The following PRRX1 variants were observed in gnomAD, a reference collection of about 807,000 sequenced individuals.
PRRX1 encodes the protein paired related homeobox 1, also known as paired mesoderm homeobox protein 1.
In PRRX1, 8 loss-of-function variants were observed where a neutral mutation model predicts 24.0. The observed-to-expected ratio is 0.33, with a 90% confidence interval of 0.20 to 0.60. The LOEUF (loss-of-function observed/expected upper bound fraction) is 0.60. Ranked by LOEUF, PRRX1 falls within the 20% of genes least tolerant of loss-of-function variation. The pLI, the probability that PRRX1 is intolerant of heterozygous loss-of-function variation, is 0.82. For synonymous variants in PRRX1, 160 were observed against 131.7 expected, an observed-to-expected ratio of 1.22 and a Z score of -1.47; for missense variants, 281 against 322.4, an observed-to-expected ratio of 0.87 and a Z score of 0.98.
At chr1:170,695,514 T>C (rs1175057685) in intron 1 of PRRX1, among the ~76,000 whole-genome samples, 2 of 152,188 alleles carry the variant, frequency 1.3e-5, no homozygotes, top group East Asian at 3.9e-4. Flanking sequence ...GAAAGGCTAT[T>C]CTTCTCTGCT....
chr1:170,721,173 A>G (rs1655073752), intron 2 of PRRX1, among the ~76,000 whole-genome samples: 1 of 152,170 alleles, frequency 6.6e-6, no homozygotes, highest in South Asian at 2.1e-4. Flanking sequence ...TCTCTTGGCT[A>G]AATGCCTTTT....
chr1:170,684,962 C>A (rs546576768), intron 1 of PRRX1, among the ~76,000 whole-genome samples: 82 of 152,216 alleles, frequency 5.4e-4, no homozygotes, highest in Middle Eastern at 3.4e-3. Context: ...GTAGACCATG[C>A]AGAGAAGTTT....
chr1:170,717,095 A>T (rs1558059181), intron 1 of PRRX1, among the ~76,000 whole-genome samples: 1 of 152,222 alleles, frequency 6.6e-6, no homozygotes, highest in African/African-American at 2.4e-5. Flanking sequence ...GACTCCCTGG[A>T]TCCCTGTTAT....
intron 1 of PRRX1, among the ~76,000 whole-genome samples, chr1:170,696,320 C>A (rs1654167163): frequency 1.3e-5 from 2 of 152,076 alleles, no homozygotes; most frequent in Non-Finnish European, 2.9e-5. Context: ...AAAGAGGCAA[C>A]CCTGAATCTT....
chr1:170,709,230 C>T (rs1488853132), intron 1 of PRRX1, among the ~76,000 whole-genome samples: 1 of 152,052 alleles, frequency 6.6e-6, no homozygotes, highest in Non-Finnish European at 1.5e-5. Flanking sequence ...AAGGTTCCTA[C>T]AAAGAACTGA....
intron 1 of PRRX1, among the ~76,000 whole-genome samples, chr1:170,695,698 A>T (rs1654143034): frequency 6.6e-6 from 1 of 152,146 alleles, no homozygotes; most frequent in Admixed American, 6.5e-5. Flanking sequence ...GTCAACAACA[A>T]ATCTGTAAAG....
chr1:170,698,273 G>A (rs1422767462), intron 1 of PRRX1, among the ~76,000 whole-genome samples: 1 of 151,972 alleles, frequency 6.6e-6, no homozygotes, highest in African/African-American at 2.4e-5. Context: ...GTACTTTTTT[G>A]GAAAGTTAAA....
chr1:170,713,993 T>C (rs1192612701), intron 1 of PRRX1, among the ~76,000 whole-genome samples: 2 of 152,204 alleles, frequency 1.3e-5, no homozygotes, highest in Non-Finnish European at 2.9e-5. Flanking sequence ...AGGGCTATGC[T>C]GTTGAGACGA....
intron 1 of PRRX1, among the ~76,000 whole-genome samples, chr1:170,666,716 C>A (rs1163034091): frequency 6.6e-6 from 1 of 152,106 alleles, no homozygotes; most frequent in African/African-American, 2.4e-5. Context: ...AGGGAACAAG[C>A]CAGCCGTGGT....
chr1:170,712,106 T>A (rs1393203759), intron 1 of PRRX1, among the ~76,000 whole-genome samples: 1 of 152,186 alleles, frequency 6.6e-6, no homozygotes, highest in Non-Finnish European at 1.5e-5. Context: ...TCCTGTCTTT[T>A]TTTCTGAAGC....
At chr1:170,727,790 G>C (rs1335331975) in intron 3 of PRRX1, 1 of 152,122 alleles carries the variant, frequency 6.6e-6, no homozygotes, top group Non-Finnish European at 1.5e-5. Flanking sequence ...CAGATGTGGT[G>C]TGCCTTACTG....
chr1:170,730,092 C>T, intron 3 of PRRX1: 1 of 689,236 alleles, frequency 1.5e-6, no homozygotes, highest in Non-Finnish European at 2.7e-6. Flanking sequence ...ACCTGAAGTG[C>T]CATTTCCAGA....
At chr1:170,699,671 C>T (rs1654292119) in intron 1 of PRRX1, among the ~76,000 whole-genome samples, 1 of 152,100 alleles carries the variant, frequency 6.6e-6, no homozygotes, top group Admixed American at 6.6e-5. Flanking sequence ...AACTGAGATT[C>T]ATACCTTTCA....
At chr1:170,691,472 TTTCCTTTCCTTTCCTTTCCTTTCCTTTC>T (rs1234447959) in intron 1 of PRRX1, among the ~76,000 whole-genome samples, 1 of 136,512 alleles carries the variant, frequency 7.3e-6, no homozygotes, top group Non-Finnish European at 1.6e-5. Context: ...TTTCCTTTCC[TTTCCTTTCCTTTCCTTTCCTTTCCTTTC>T]CTTTCCTTTC....
At chr1:170,666,791 GCCA>G (rs1035693181) in intron 1 of PRRX1, among the ~76,000 whole-genome samples, 1 of 152,106 alleles carries the variant, frequency 6.6e-6, no homozygotes, top group African/African-American at 2.4e-5. Context: ...CTGAGTGGAC[GCCA>G]CTCCCAAGAA....
rs1363614462 is a variant in PRRX1, at chr1:170,736,286, T to C, written c.*100T>C. 2.0e-6 allele frequency: 3 copies of C among 1,487,708 alleles called. No individual in the cohort carries two copies. The highest frequency in any genetic ancestry group is 2.8e-5 in the African/African-American group (2 of 71,076). 92.2% of individuals were successfully genotyped at this position (1,487,708 alleles called of 1,614,324 possible). ...CATCTGCTGGGGGGAAAAAGTAAAT[T>C]ACAAACAAACAAACAAAGCAGAACT... On this transcript the variant is annotated 3_prime_UTR_variant, in exon 4 of 4. Coordinates refer to ENST00000239461, the MANE Select transcript of PRRX1 (RefSeq NM_022716.4).
intron 1 of PRRX1, among the ~76,000 whole-genome samples, chr1:170,682,487 A>T (rs1653586415): frequency 1.3e-5 from 2 of 152,038 alleles, no homozygotes; most frequent in South Asian, 4.2e-4. Flanking sequence ...CACTCCATAA[A>T]CTCTGGGCAC....
chr1:170,670,121 T>C (rs958304990), intron 1 of PRRX1, among the ~76,000 whole-genome samples: 1 of 152,202 alleles, frequency 6.6e-6, no homozygotes, highest in Admixed American at 6.5e-5. Context: ...TGTCCAAACA[T>C]TTAGAGAACT....
chr1:170,692,669 T>C (rs1412602877), intron 1 of PRRX1, among the ~76,000 whole-genome samples: 4 of 151,424 alleles, frequency 2.6e-5, no homozygotes, highest in Non-Finnish European at 5.9e-5. Flanking sequence ...ATAGAGAATC[T>C]TCATGGAAAT....
Sources: allele counts gnomAD v4.1 joint callset (sites outside exome capture counted in the v4.1 genomes callset), GRCh38; gene constraint gnomAD v4.1.1; transcripts MANE v1.5; gene names NCBI Gene and HGNC (gene_info 2026-07-23, HGNC 2026-07-21).